The following GRAMD1B variants were observed in gnomAD, a reference collection of about 807,000 sequenced individuals.
GRAMD1B encodes the protein GRAM domain containing 1B.
A neutral mutation model predicts 99.7 loss-of-function variants in GRAMD1B; 37 were observed. The observed-to-expected ratio is 0.37, with a 90% CI of 0.29 to 0.49. The LOEUF is 0.49. Among genes scored for constraint, GRAMD1B ranks in the 20% least tolerant of loss-of-function variants. The pLI is 0.98. For synonymous variants in GRAMD1B, 427 were observed against 387.6 expected, an observed-to-expected ratio of 1.10 and a Z score of -1.19; for missense variants, 888 against 1,009.2, an observed-to-expected ratio of 0.88 and a Z score of 1.63.
chr11:123,605,060 T>G (rs1952519560), intron 9 of GRAMD1B, among the ~76,000 whole-genome samples: 1 of 148,918 alleles, frequency 6.7e-6, no homozygotes. Context: ...TAGGGATAAC[T>G]CTAAGGAGGC....
At chr11:123,389,874 T>C (rs1947210547) in intron 1 of GRAMD1B, among the ~76,000 whole-genome samples, 1 of 152,016 alleles carries the variant, frequency 6.6e-6, no homozygotes, top group Non-Finnish European at 1.5e-5. Flanking sequence ...GCCTCCTGAG[T>C]AGCTGTGATT....
In GRAMD1B at chr11:123,549,714, T is replaced by C. The variant is rs528725954; in HGVS notation, c.453-27653T>C. ...TCATGCCATCTGAGTGCTCATACTC[T>C]ATGAATGCAGATGCTGTCTTAAAGA... On this transcript the variant is annotated intron_variant, in intron 2 of 19. Coordinates refer to ENST00000635736, the MANE Select transcript of GRAMD1B (RefSeq NM_001387025.1). Among the ~76,000 whole-genome samples, 24 of 152,296 alleles carry C rather than the reference T, an allele frequency of 1.6e-4. 1 individual carries two copies. The highest frequency in any genetic ancestry group is 5.5e-4 in the African/African-American group (23 of 41,572).
intron 2 of GRAMD1B, among the ~76,000 whole-genome samples, chr11:123,513,879 C>T (rs2135348634): frequency 6.6e-6 from 1 of 152,108 alleles, no homozygotes; most frequent in South Asian, 2.1e-4. Flanking sequence ...TGGTCTCGAA[C>T]TCCTGGGCTC....
In GRAMD1B at chr11:123,621,124, G is replaced by A. The variant is rs114408492; in HGVS notation, c.2545-1382G>A. Among the ~76,000 whole-genome samples the A allele has an allele frequency of 7.0e-3, 1,069 of 152,152 alleles. 9 individuals are homozygous for A. Among genetic ancestry groups the A allele is most frequent in the African/African-American group, 0.024 (1,005 of 41,496 alleles). On this transcript the variant is annotated intron_variant, in intron 19 of 19. Transcript: ENST00000635736. Reference sequence around the variant, plus strand: ...AAGTAACTTTTAAAATAACAGAATGGCCCCCTCCTCTGTCTTGAGCACAAG... The same window carrying A: ...AAGTAACTTTTAAAATAACAGAATGACCCCCTCCTCTGTCTTGAGCACAAG...
At chr11:123,425,688 C>A (rs1160310225), upstream of GRAMD1B, among the ~76,000 whole-genome samples, 2 of 152,194 alleles carry the variant, frequency 1.3e-5, no homozygotes, top group African/African-American at 4.8e-5. Flanking sequence ...CATCAAAGTC[C>A]TGAAGCATTT....
chr11:123,561,294 G>T (rs1184531730), intron 2 of GRAMD1B, among the ~76,000 whole-genome samples: 1 of 152,198 alleles, frequency 6.6e-6, no homozygotes, highest in African/African-American at 2.4e-5. Flanking sequence ...TCCGGCGGGG[G>T]TAGGAGCTGG....
chr11:123,449,656 C>A (rs1376057567), intron 1 of GRAMD1B, among the ~76,000 whole-genome samples: 1 of 149,906 alleles, frequency 6.7e-6, no homozygotes, highest in African/African-American at 2.5e-5. Flanking sequence ...CTCACTGCAG[C>A]CTTGACATCC....
chr11:123,557,404 C>T (rs1424541545), intron 2 of GRAMD1B, among the ~76,000 whole-genome samples: 1 of 152,206 alleles, frequency 6.6e-6, no homozygotes, highest in Non-Finnish European at 1.5e-5. Context: ...AGAAATACCA[C>T]GCACATACTT....
upstream of GRAMD1B, among the ~76,000 whole-genome samples, chr11:123,429,798 G>A (rs1202590892): frequency 6.6e-6 from 1 of 152,186 alleles, no homozygotes; most frequent in Non-Finnish European, 1.5e-5. The surrounding 1 kb of genome is among the most constrained non-coding windows in gnomAD (Gnocchi z 4.0). Flanking sequence ...TTTGGAAGCA[G>A]CCTCCAGCAA....
chr11:123,608,655 G>A lies in GRAMD1B; in HGVS notation c.1514-4G>A, dbSNP rs761275565. 1 of 1,577,782 alleles carries A rather than the reference G, an allele frequency of 6.3e-7. No homozygotes were observed. Among genetic ancestry groups the A allele is most frequent in the Admixed American group, 1.8e-5 (1 of 54,976 alleles). On this transcript the variant is annotated splice_region_variant and splice_polypyrimidine_tract_variant and intron_variant, in intron 11 of 19. Transcript: ENST00000635736. ...TCTACTTCCTGATCCTCTCTTCTGT[G>A]CAGGAGAGGTCCAGGCCTTCTATGA...
At chr11:123,508,249 GAAGGGC>G (rs1319392316) in intron 2 of GRAMD1B, among the ~76,000 whole-genome samples, 1 of 152,178 alleles carries the variant, frequency 6.6e-6, no homozygotes, top group Non-Finnish European at 1.5e-5. Context: ...CCCTGTGGCA[GAAGGGC>G]AAGAGAGTGC....
intron 1 of GRAMD1B, among the ~76,000 whole-genome samples, chr11:123,478,838 C>T (rs1055817142): frequency 6.6e-6 from 1 of 152,134 alleles, no homozygotes; most frequent in African/African-American, 2.4e-5. Flanking sequence ...GTGTGTTCTC[C>T]CACAGTGTAG....
At chr11:123,395,920 A>C (rs1335690712) in intron 1 of GRAMD1B, among the ~76,000 whole-genome samples, 1 of 152,212 alleles carries the variant, frequency 6.6e-6, no homozygotes, top group Non-Finnish European at 1.5e-5. Flanking sequence ...ACTGTTGGGA[A>C]ACTCAAAGGA....
chr11:123,501,972 G>A (rs1243198996), intron 2 of GRAMD1B, among the ~76,000 whole-genome samples: 1 of 152,208 alleles, frequency 6.6e-6, no homozygotes, highest in Admixed American at 6.5e-5. Flanking sequence ...CAGGTACTAA[G>A]TGAAGCCCCA....
intron 2 of GRAMD1B, among the ~76,000 whole-genome samples, chr11:123,545,178 G>A (rs761747858): frequency 3.3e-5 from 5 of 152,188 alleles, no homozygotes; most frequent in African/African-American, 4.8e-5. Flanking sequence ...GCAGACTTCA[G>A]TGAGGTGCCC....
At chr11:123,531,247 G>T (rs1407872834) in intron 2 of GRAMD1B, among the ~76,000 whole-genome samples, 2 of 152,170 alleles carry the variant, frequency 1.3e-5, no homozygotes, top group African/African-American at 4.8e-5. Context: ...TGGTCATCTA[G>T]GCATTTAAAT....
At chr11:123,535,866 A>G (rs1943920906) in intron 2 of GRAMD1B, among the ~76,000 whole-genome samples, 1 of 152,082 alleles carries the variant, frequency 6.6e-6, no homozygotes, top group Non-Finnish European at 1.5e-5. Flanking sequence ...GAGAATGGAA[A>G]TCTTGGGAAA....
Position 123,618,682 on chromosome 11 carries a change from C to T in GRAMD1B, c.2319-11C>T. The T allele has an allele frequency of 6.8e-7, 1 of 1,476,604 alleles. No homozygotes were observed. The highest frequency in any genetic ancestry group is 9.4e-7 in the Non-Finnish European group (1 of 1,069,296). The allele number at this position is 1,476,604 out of a possible 1,614,324, so 91.5% of individuals were successfully genotyped here. On this transcript the variant is annotated splice_polypyrimidine_tract_variant and intron_variant, in intron 17 of 19. Transcript: ENST00000635736. ...ACTGCTGATGTTTTTTTCCCCACGTCTCCTTCCTAGTCTGGTGCTGCTGGT... is the reference window on the plus strand; with the variant it reads ...ACTGCTGATGTTTTTTTCCCCACGTTTCCTTCCTAGTCTGGTGCTGCTGGT...
chr11:123,406,091 T>C (rs1010390836), intron 1 of GRAMD1B, among the ~76,000 whole-genome samples: 2 of 151,804 alleles, frequency 1.3e-5, no homozygotes, highest in African/African-American at 4.8e-5. Context: ...CTCAGCTCTC[T>C]GCAACCTCTG....
Sources: gnomAD v4.1 joint callset for allele counts (sites outside exome capture counted in the v4.1 genomes callset) on GRCh38, gnomAD v4.1.1 for gene constraint, Gnocchi (gnomAD v3.1) non-coding constraint, MANE v1.5 for transcripts, NCBI Gene and HGNC (gene_info 2026-07-23, HGNC 2026-07-21) for gene names.